Variants in TERT observed in about 807,000 individuals in gnomAD.
The protein encoded by TERT is telomerase reverse transcriptase.
TERT carries 42 observed loss-of-function variants against 104.0 expected under a neutral mutation model. The observed-to-expected ratio is 0.40, with a 90% CI of 0.32 to 0.52. The LOEUF (loss-of-function observed/expected upper bound fraction) is 0.52, where lower values mean the gene tolerates loss of function less well. Among genes scored for constraint, TERT ranks in the 20% least tolerant of loss-of-function variants. TERT has a pLI of 0.43. For synonymous variants in TERT, 781 were observed against 725.6 expected, an observed-to-expected ratio of 1.08 and a Z score of -1.23; for missense variants, 1,101 against 1,610.3, an observed-to-expected ratio of 0.68 and a Z score of 5.41.
intron 2 of TERT, among the ~76,000 whole-genome samples, chr5:1,291,075 A>G (rs372765097): frequency 1.3e-3 from 74 of 58,344 alleles, no homozygotes; most frequent in Middle Eastern, 0.029. Flanking sequence ...CACTCACCCT[A>G]CACGTGACAG....
rs2126618123 is a variant in TERT, at chr5:1,272,290, G to A, written c.2287-10C>T. 6.2e-7 allele frequency: 1 copy of A among 1,607,684 alleles called. No homozygotes were observed. The highest frequency in any genetic ancestry group is 1.3e-5 in the African/African-American group (1 of 74,888). On this transcript the variant is annotated splice_polypyrimidine_tract_variant and intron_variant, in intron 6 of 15. Coordinates refer to ENST00000310581, the MANE Select transcript of TERT (RefSeq NM_198253.3). ...CTGTCAAGGTAGAGACCTGCCGGCA[G>A]AGGAGAGGGCATGAGCCACAAATGT...
rs553913434 is a variant in TERT, at chr5:1,282,730, C to A, written c.1574-106G>T. On this transcript the variant is annotated intron_variant, in intron 2 of 15. Transcript: ENST00000310581. ...CACATCCAGCTCACCAAGGGCCTGGCGACCTCACCCCAGACCTGCACCATC... is the reference window on the plus strand; with the variant it reads ...CACATCCAGCTCACCAAGGGCCTGGAGACCTCACCCCAGACCTGCACCATC... 8 of 1,159,416 alleles carry A rather than the reference C, an allele frequency of 6.9e-6. No individual in the cohort carries two copies. In the African/African-American group the frequency reaches 1.1e-4, roughly 16 times the overall value. 71.8% of individuals were successfully genotyped at this position (1,159,416 alleles called of 1,614,324 possible). A position where few individuals can be genotyped will look rare whatever the true frequency, so the allele number is the denominator to read the frequency against.
chr5:1,264,994 G>A (rs1282240391), intron 10 of TERT, among the ~76,000 whole-genome samples: 1 of 152,206 alleles, frequency 6.6e-6, no homozygotes, highest in Non-Finnish European at 1.5e-5. Flanking sequence ...CTTTTAAGAC[G>A]TTTCTCAACG....
At chr5:1,291,331 T>G (rs867538965) in intron 2 of TERT, among the ~76,000 whole-genome samples, 9 of 50,026 alleles carry the variant, frequency 1.8e-4, no homozygotes, top group Non-Finnish European at 2.1e-4. Flanking sequence ...ACCCTACACG[T>G]GACAGGGACA....
chr5:1,282,855 T>A, intron 2 of TERT: 1 of 580,624 alleles, frequency 1.7e-6, no homozygotes, highest in Non-Finnish European at 3.1e-6. Flanking sequence ...ACCGAGGGCC[T>A]GGCGAACTCA....
Position 1,294,358 on chromosome 5 carries a change from G to C in TERT, c.528C>G (p.Tyr176Ter). 6.3e-7 allele frequency: 1 copy of C among 1,576,650 alleles called. No homozygotes were observed. The highest frequency in any genetic ancestry group is 8.6e-7 in the Non-Finnish European group (1 of 1,169,104). Residue 176 changes from tyrosine (Y) to a stop codon, truncating the protein, a stop_gained, in exon 2 of 16, where the codon TAC (tyrosine) becomes TAG (stop). Coordinates refer to ENST00000310581, the MANE Select transcript of TERT (RefSeq NM_198253.3). LOFTEE classifies it high-confidence loss of function. Reference protein sequence around the residue: ...CAYQVCGPPLYQLGAATQARP... With the variant: ...CAYQVCGPPL ...GGGCCTGAGTGGCAGCGCCGAGCTG[G>C]TACAGCGGCGGCCCGCACACCTGGT...
Position 1,294,472 on chromosome 5 carries a change from C to T in TERT, c.414G>A (p.Gly138=), listed in dbSNP as rs767353485. 23 of 1,590,228 alleles carry T rather than the reference C, an allele frequency of 1.4e-5. No individual in the cohort carries two copies. The South Asian group carries it at 1.8e-4, about 12-fold the overall frequency. ...CGTCGCCCACGCGGCGCAGCAGCAG[C>T]CCCCACGCCCCGCTCCCCCGCAGTG... ...TDALRGSGAW[G]LLLRRVGDDV... The change falls in exon 2 of 16, where the codon GGG becomes GGA. Residue 138 remains glycine (G), a synonymous_variant. Transcript: ENST00000310581.
Position 1,268,480 on chromosome 5 carries a change from A to G in TERT, c.2582+40T>C. 1.3e-6 allele frequency: 2 copies of G among 1,522,354 alleles called. No individual in the cohort carries two copies. The allele number at this position is 1,522,354 out of a possible 1,614,324, so 94.3% of individuals were successfully genotyped here. On this transcript the variant is annotated intron_variant, in intron 9 of 15. Coordinates refer to ENST00000310581, the MANE Select transcript of TERT (RefSeq NM_198253.3). The surrounding 1 kb of genome is among the most constrained non-coding windows in gnomAD (Gnocchi z 5.5). ...ACACTGAATGCATCAAAAGCAAATC[A>G]ACCCCCACCCAAGCCCCCCTGGGGA...
rs761664052 is a variant in TERT at position 1,261,082 on chromosome 5, G to A, written c.2844-482C>T. 6.6e-6 allele frequency among the ~76,000 whole-genome samples: 1 copy of A among 152,158 alleles called. No homozygotes were observed. Among genetic ancestry groups the A allele is most frequent in the African/African-American group, 2.4e-5 (1 of 41,442 alleles). On this transcript the variant is annotated intron_variant, in intron 11 of 15. Transcript: ENST00000310581. The surrounding 1 kb of genome is among the most constrained non-coding windows in gnomAD (Gnocchi z 7.4). ...AAACAGGGCTCCAGTGAGTGCACGT[G>A]GCACACATGGTGTCTCCAGAGGGGC...
intron 2 of TERT, among the ~76,000 whole-genome samples, chr5:1,291,864 C>G (rs148246218): frequency 2.0e-5 from 3 of 152,344 alleles, no homozygotes; most frequent in Non-Finnish European, 2.9e-5. Context: ...TCAGAGAACT[C>G]AAACTCTCCT....
Position 1,279,289 on chromosome 5 carries a change from A to G in TERT, c.2130+2T>C. ...CTGCTCACGGGGGTCCCCGGCACCC[A>G]CCTTGACAAAGTACAGCTCAGGCGG... On this transcript the variant is annotated splice_donor_variant, in intron 5 of 15. Transcript: ENST00000310581. LOFTEE classifies it high-confidence loss of function. 1 of 1,576,256 alleles carries G rather than the reference A, an allele frequency of 6.3e-7. No individual in the cohort carries two copies. Among genetic ancestry groups the G allele is most frequent in the Non-Finnish European group, 8.6e-7 (1 of 1,163,224 alleles).
rs750187788 is a variant in TERT at position 1,258,663 on chromosome 5, G to C, written c.2971-4C>G. 2 of 1,564,422 alleles carry C rather than the reference G, an allele frequency of 1.3e-6. No homozygotes were observed. The highest frequency in any genetic ancestry group is 1.7e-6 in the Non-Finnish European group (2 of 1,153,544). On this transcript the variant is annotated splice_polypyrimidine_tract_variant and splice_region_variant and intron_variant, in intron 12 of 15. Transcript: ENST00000310581. The stretch of plus-strand genomic sequence containing the variant: ...ACACCGTCTGGAGGCTGTTCACCTA[G>C]AGTCGCCAAGAAAGAGTGAGAAACG...
chr5:1,277,154 C>T lies in TERT; in HGVS notation c.2286+1487G>A, dbSNP rs116534830. On this transcript the variant is annotated intron_variant, in intron 6 of 15. Coordinates refer to ENST00000310581, the MANE Select transcript of TERT (RefSeq NM_198253.3). ...CCTGCACAATCCCACGAGGCGGCTT[C>T]GACACCTTCAGGCCAGCGGCCACCG... 6.8e-3 allele frequency among the ~76,000 whole-genome samples: 1,041 copies of T among 152,288 alleles called. 13 individuals carry two copies. The highest frequency in any genetic ancestry group is 0.024 in the African/African-American group (1,003 of 41,574).
Position 1,287,996 on chromosome 5 carries a change from A to G in TERT, c.1573+5317T>C, listed in dbSNP as rs1750598376. ...AACTGAGTTAGAAATCAATAATAAA[A>G]TGATAACTTAAAATACTCTACGTAT... On this transcript the variant is annotated intron_variant, in intron 2 of 15. Coordinates refer to ENST00000310581, the MANE Select transcript of TERT (RefSeq NM_198253.3). The surrounding 1 kb of genome is among the most constrained non-coding windows in gnomAD (Gnocchi z 4.3). Among the ~76,000 whole-genome samples the G allele has an allele frequency of 6.6e-6, 1 of 152,124 alleles. No homozygotes were observed. Among genetic ancestry groups the G allele is most frequent in the Non-Finnish European group, 1.5e-5 (1 of 68,032 alleles).
rs970456042 is a variant in TERT, at chr5:1,261,430, G to A, written c.2844-830C>T. Among the ~76,000 whole-genome samples, 2 of 152,206 alleles carry A rather than the reference G, an allele frequency of 1.3e-5. No individual in the cohort carries two copies. The highest frequency in any genetic ancestry group is 2.9e-5 in the Non-Finnish European group (2 of 68,022). ...ACTGGAAATGGTAAATAAGACCCGTGATAATGTCTGGTCACTTCAGAAGTG... is the reference window on the plus strand; with the variant it reads ...ACTGGAAATGGTAAATAAGACCCGTAATAATGTCTGGTCACTTCAGAAGTG... On this transcript the variant is annotated intron_variant, in intron 11 of 15. Coordinates refer to ENST00000310581, the MANE Select transcript of TERT (RefSeq NM_198253.3). This position sits in a 1 kb window ranked among gnomAD's most constrained non-coding sequence, Gnocchi z 7.4.
intron 4 of TERT, 149 bp from the exon 5 acceptor site, chr5:1,279,619 C>G: frequency 1.2e-6 from 1 of 807,322 alleles, no homozygotes; most frequent in South Asian, 1.5e-5. Flanking sequence ...TTCCTCAGAC[C>G]CTGTTTGAAA....
chr5:1,279,183 C>G, intron 5 of TERT, 108 bp downstream of exon 5: 1 of 1,302,116 alleles, frequency 7.7e-7, no homozygotes, highest in Non-Finnish European at 1.1e-6. Context: ...GTCACCTGCA[C>G]TCCCTGCGGC....
chr5:1,274,795 A>G lies in TERT; in HGVS notation c.2287-2515T>C, dbSNP rs1330451746. 6.6e-6 allele frequency among the ~76,000 whole-genome samples: 1 copy of G among 152,244 alleles called. No homozygotes were observed. Among genetic ancestry groups the G allele is most frequent in the Non-Finnish European group, 1.5e-5 (1 of 68,036 alleles). The stretch of plus-strand genomic sequence containing the variant: ...TTTAGAGGGAAAACGGCAACTTCAG[A>G]TGCTTGTTTAGAAAAGAAAGTTCAA... On this transcript the variant is annotated intron_variant, in intron 6 of 15. Coordinates refer to ENST00000310581, the MANE Select transcript of TERT (RefSeq NM_198253.3). This position sits in a 1 kb window ranked among gnomAD's most constrained non-coding sequence, Gnocchi z 5.3.
At chr5:1,277,918 T>C (rs937846965) in intron 6 of TERT, among the ~76,000 whole-genome samples, 1 of 152,158 alleles carries the variant, frequency 6.6e-6, no homozygotes, top group African/African-American at 2.4e-5. Flanking sequence ...TCATGACCAC[T>C]GGGTGGGAAC....
Sources: gnomAD v4.1 joint callset for allele counts (sites outside exome capture counted in the v4.1 genomes callset) on GRCh38, gnomAD v4.1.1 for gene constraint, Gnocchi (gnomAD v3.1) non-coding constraint, MANE v1.5 for transcripts, NCBI Gene and HGNC (gene_info 2026-07-23, HGNC 2026-07-21) for gene names.